Variants in WASF3 observed in about 807,000 individuals in gnomAD.
WASF3 encodes WASP family member 3.
Under a neutral mutation model 46.6 loss-of-function variants are expected in WASF3, and 11 were observed. That is an observed-to-expected ratio of 0.24 (90% confidence interval 0.15 to 0.39). The LOEUF (loss-of-function observed/expected upper bound fraction) is 0.39, where lower values mean the gene tolerates loss of function less well. Among genes scored for constraint, WASF3 ranks in the 10% least tolerant of loss-of-function variants. The pLI, the probability that WASF3 is intolerant of heterozygous loss-of-function variation, is 1.00. For missense variants in WASF3, 576 were observed against 669.8 expected (o/e 0.86, Z 1.55); for synonymous variants, 242 against 259.7 (o/e 0.93, Z 0.65).
At chr13:26,585,405 A>G (rs1880100562) in intron 1 of WASF3, among the ~76,000 whole-genome samples, 1 of 152,198 alleles carries the variant, frequency 6.6e-6, no homozygotes, top group South Asian at 2.1e-4. Context: ...GAAAAATCAT[A>G]TGGTTAGCTG....
chr13:26,573,981 T>A (rs1879714960), intron 1 of WASF3, among the ~76,000 whole-genome samples: 1 of 152,266 alleles, frequency 6.6e-6, no homozygotes, highest in Non-Finnish European at 1.5e-5. Context: ...ATTTTTGCTG[T>A]ATAATTTTCC....
At chr13:26,637,632 G>A (rs1439892990) in intron 2 of WASF3, among the ~76,000 whole-genome samples, 1 of 152,192 alleles carries the variant, frequency 6.6e-6, no homozygotes, top group Non-Finnish European at 1.5e-5. Context: ...TACAATTTTA[G>A]CACTGACTAG....
chr13:26,648,013 AC>A (rs752627559), intron 3 of WASF3, among the ~76,000 whole-genome samples: 1 of 152,178 alleles, frequency 6.6e-6, no homozygotes, highest in Non-Finnish European at 1.5e-5. Flanking sequence ...ATATTGATAC[AC>A]CATAATTATT....
intron 2 of WASF3, among the ~76,000 whole-genome samples, chr13:26,617,934 C>T (rs1881185167): frequency 6.6e-6 from 1 of 152,144 alleles, no homozygotes; most frequent in Non-Finnish European, 1.5e-5. Flanking sequence ...CTCCGGCTGC[C>T]TTGTGAAGAA....
intron 1 of WASF3, among the ~76,000 whole-genome samples, chr13:26,572,732 T>C (rs1879676710): frequency 6.6e-6 from 1 of 152,096 alleles, no homozygotes. Flanking sequence ...TTTGTATTTT[T>C]AGTAGAGATG....
At chr13:26,629,313 A>G (rs371521360) in intron 2 of WASF3, among the ~76,000 whole-genome samples, 1 of 152,298 alleles carries the variant, frequency 6.6e-6, no homozygotes, top group East Asian at 1.9e-4. Context: ...GCCTTTATCC[A>G]GATCTCCTTG....
chr13:26,676,806 C>A, intron 7 of WASF3, 82 bp downstream of exon 7: 2 of 1,391,186 alleles, frequency 1.4e-6, no homozygotes, highest in Non-Finnish European at 1.9e-6. Context: ...TGAAATGCAT[C>A]AATAGCTTCG....
chr13:26,663,267 A>ACAGACGTCAACATGGAGATGTT (rs937146582), intron 3 of WASF3, among the ~76,000 whole-genome samples: 5 of 151,964 alleles, frequency 3.3e-5, no homozygotes, highest in Non-Finnish European at 5.9e-5. Flanking sequence ...GAGAATCTTA[A>ACAGACGTCAACATGGAGATGTT]CAGACGTCAA....
chr13:26,651,711 T>G (rs1463297481), intron 3 of WASF3, among the ~76,000 whole-genome samples: 1 of 152,170 alleles, frequency 6.6e-6, no homozygotes, highest in Non-Finnish European at 1.5e-5. Context: ...ATAGAAAAGG[T>G]CATCAATAAT....
At chr13:26,657,087 G>A (rs922029356) in intron 3 of WASF3, among the ~76,000 whole-genome samples, 2 of 152,152 alleles carry the variant, frequency 1.3e-5, no homozygotes, top group African/African-American at 4.8e-5. Context: ...ACCAGAAGGG[G>A]GAACTTGTGA....
At chr13:26,613,514 A>G (rs570593185) in intron 2 of WASF3, among the ~76,000 whole-genome samples, 2 of 152,336 alleles carry the variant, frequency 1.3e-5, no homozygotes, top group South Asian at 2.1e-4. Context: ...TCATGCCTGT[A>G]ATCCCAGCAT....
chr13:26,580,452 A>G, intron 1 of WASF3, among the ~76,000 whole-genome samples: 1 of 152,174 alleles, frequency 6.6e-6, no homozygotes, highest in Admixed American at 6.5e-5. Flanking sequence ...AAACTCGACA[A>G]GCATTAGATT....
Position 26,682,761 on chromosome 13 carries a change from G to A in WASF3, c.1138G>A (p.Ala380Thr), listed in dbSNP as rs755735864. 9 of 1,612,806 alleles carry A rather than the reference G, an allele frequency of 5.6e-6. No homozygotes were observed. The highest frequency in any genetic ancestry group is 1.7e-5 in the Admixed American group (1 of 60,006). Residue 380 changes from alanine to threonine, a missense_variant, in exon 9 of 10, where the codon GCA becomes ACA. Around this residue, in one of 3 missense-constraint regions of WASF3, gnomAD observed 295 missense variants for 291.5 expected, o/e 1.01. Coordinates refer to ENST00000335327, the MANE Select transcript of WASF3 (RefSeq NM_006646.6). This position sits in a 1 kb window ranked among gnomAD's most constrained non-coding sequence, Gnocchi z 4.4. ...PFPASASSTH[A>T]APPHPPSTGL... ...CCCTGCATCAGCCAGCTCCACGCAC[G>A]CAGCTCCTCCTCACCCACCCTCCAC...
At chr13:26,676,937 ATCTC>A (rs1457555844) in intron 7 of WASF3, among the ~76,000 whole-genome samples, 6 of 152,156 alleles carry the variant, frequency 3.9e-5, no homozygotes, top group Admixed American at 6.5e-5. Flanking sequence ...ATTTTAGAAA[ATCTC>A]TCTGACTTAA....
At chr13:26,586,103 A>G (rs1158755862) in intron 1 of WASF3, among the ~76,000 whole-genome samples, 1 of 152,024 alleles carries the variant, frequency 6.6e-6, no homozygotes, top group Non-Finnish European at 1.5e-5. Context: ...TTGATATATA[A>G]TCTTGATTTT....
chr13:26,669,290 C>A (rs907660994), intron 5 of WASF3, among the ~76,000 whole-genome samples: 1 of 144,098 alleles, frequency 6.9e-6, no homozygotes, highest in Non-Finnish European at 1.5e-5. Context: ...TGGCTCACTG[C>A]AGCCTTTGCC....
chr13:26,683,246 T>A (rs962378856), intron 9 of WASF3, among the ~76,000 whole-genome samples: 2 of 152,036 alleles, frequency 1.3e-5, no homozygotes, highest in Non-Finnish European at 2.9e-5. Context: ...CCAAGGCAGT[T>A]GGATTGCTTG....
chr13:26,679,502 C>T lies in WASF3; in HGVS notation c.717-1552C>T, dbSNP rs149069959. Among the ~76,000 whole-genome samples the T allele has an allele frequency of 9.2e-5, 14 of 152,258 alleles. No homozygotes were observed. The East Asian group carries it at 1.9e-3, about 21-fold the overall frequency. ...TGTTGCAAGGCTCCTTGATAGGGAT[C>T]GCCCTCCTAGTTATGCCACAGTATT... On this transcript the variant is annotated intron_variant, in intron 7 of 9. Coordinates refer to ENST00000335327, the MANE Select transcript of WASF3 (RefSeq NM_006646.6). The surrounding 1 kb of genome is among the most constrained non-coding windows in gnomAD (Gnocchi z 4.8).
intron 3 of WASF3, among the ~76,000 whole-genome samples, chr13:26,644,717 C>T (rs1158180319): frequency 6.6e-6 from 1 of 152,138 alleles, no homozygotes; most frequent in Non-Finnish European, 1.5e-5. Flanking sequence ...AAAATGTCAT[C>T]TGGGGGTGAA....
Sources: allele counts gnomAD v4.1 joint callset (sites outside exome capture counted in the v4.1 genomes callset), GRCh38; gene constraint gnomAD v4.1.1; regional missense constraint gnomAD v4.1.1; non-coding constraint Gnocchi (gnomAD v3.1); transcripts MANE v1.5; gene names NCBI Gene and HGNC (gene_info 2026-07-23, HGNC 2026-07-21).